The following CNTLN variants were observed in gnomAD, a reference collection of about 807,000 sequenced individuals.
CNTLN encodes the protein centlein, centrosomal protein.
A neutral mutation model predicts 180.0 loss-of-function variants in CNTLN; 212 were observed. That is an observed-to-expected ratio of 1.18 (90% CI 1.05 to 1.32). The LOEUF is 1.32. Ranked by LOEUF, CNTLN falls within the 40% of genes most tolerant of loss-of-function variation. The pLI, the probability that CNTLN is intolerant of heterozygous loss-of-function variation, is 0.00. For missense variants in CNTLN, 2,095 were observed against 1,610.9 expected, an observed-to-expected ratio of 1.30 and a Z score of -5.14; for synonymous variants, 722 against 563.1, an observed-to-expected ratio of 1.28 and a Z score of -3.99.
At chr9:17,356,080 A>G (rs1000664121) in intron 12 of CNTLN, among the ~76,000 whole-genome samples, 79 of 150,186 alleles carry the variant, frequency 5.3e-4, no homozygotes, top group African/African-American at 1.8e-3. Flanking sequence ...AAAAAAAAAA[A>G]AGAAAAAGGA....
chr9:17,253,049 T>G (rs1358789325), intron 5 of CNTLN, among the ~76,000 whole-genome samples: 1 of 151,758 alleles, frequency 6.6e-6, no homozygotes, highest in Admixed American at 6.6e-5. Context: ...ATGTATATTC[T>G]TAGTTGCTTT....
chr9:17,416,237 T>A (rs1828239751), intron 18 of CNTLN, 48 bp downstream of exon 18: 2 of 1,443,052 alleles, frequency 1.4e-6, no homozygotes, highest in Non-Finnish European at 1.9e-6. Flanking sequence ...ATTGTAAAAG[T>A]GGATATTTTG....
chr9:17,316,227 A>G (rs1040309633), intron 8 of CNTLN, among the ~76,000 whole-genome samples: 8 of 152,022 alleles, frequency 5.3e-5, no homozygotes, highest in African/African-American at 1.7e-4. Context: ...CTTAAAGTCT[A>G]TTTTGTCTGA....
intron 6 of CNTLN, among the ~76,000 whole-genome samples, chr9:17,284,062 C>G (rs536523739): frequency 6.6e-6 from 1 of 151,968 alleles, no homozygotes. Flanking sequence ...GCTCATGTTT[C>G]CCAGGCTGGA....
intron 15 of CNTLN, among the ~76,000 whole-genome samples, chr9:17,397,325 G>A (rs1012141584): frequency 1.3e-5 from 2 of 152,176 alleles, no homozygotes; most frequent in Non-Finnish European, 2.9e-5. Flanking sequence ...CTACTCCATA[G>A]GCAGAGCAGT....
chr9:17,213,961 A>G (rs958905549), intron 2 of CNTLN, among the ~76,000 whole-genome samples: 3 of 151,988 alleles, frequency 2.0e-5, no homozygotes, highest in Admixed American at 2.0e-4. Context: ...TGCAGGTGAT[A>G]TGGGTCTTCT....
chr9:17,142,451 A>G (rs1220713241), intron 1 of CNTLN, among the ~76,000 whole-genome samples: 1 of 152,154 alleles, frequency 6.6e-6, no homozygotes, highest in East Asian at 1.9e-4. Flanking sequence ...TAAGGAACCA[A>G]TAATTTTTTT....
At chr9:17,426,593 A>G (rs1308705835) in intron 18 of CNTLN, among the ~76,000 whole-genome samples, 1 of 151,854 alleles carries the variant, frequency 6.6e-6, no homozygotes, top group African/African-American at 2.4e-5. Flanking sequence ...TTGAGTTATT[A>G]GAATCTTTTT....
intron 12 of CNTLN, among the ~76,000 whole-genome samples, chr9:17,342,786 A>G (rs1224199617): frequency 2.0e-5 from 3 of 152,172 alleles, no homozygotes. Context: ...TAACCTAGCC[A>G]GCCATCCTTG....
chr9:17,292,504 T>C (rs1829482398), intron 6 of CNTLN, among the ~76,000 whole-genome samples: 1 of 152,146 alleles, frequency 6.6e-6, no homozygotes, highest in African/African-American at 2.4e-5. Flanking sequence ...TTTCTTTTCA[T>C]TCTTTTTTCT....
chr9:17,313,445 T>C (rs1032360006), intron 8 of CNTLN, among the ~76,000 whole-genome samples: 1 of 152,114 alleles, frequency 6.6e-6, no homozygotes, highest in African/African-American at 2.4e-5. Flanking sequence ...AGTTTTACTC[T>C]TCTATCCTCT....
At position 17,207,690 on chromosome 9, in the gene CNTLN, A is replaced by G. The variant is rs146369569; in HGVS notation, c.450-18513A>G. On this transcript the variant is annotated intron_variant, in intron 2 of 25. Coordinates refer to ENST00000380647, the MANE Select transcript of CNTLN (RefSeq NM_017738.4). Reference sequence around the variant, plus strand: ...TGTACCTACTGCTTAACCAGTCCCAATGAGATGAACTGGGTCCCTCACTTG... The same window carrying G: ...TGTACCTACTGCTTAACCAGTCCCAGTGAGATGAACTGGGTCCCTCACTTG... Among the ~76,000 whole-genome samples the G allele has an allele frequency of 1.6e-3, 250 of 151,670 alleles. 1 individual carries two copies. The highest frequency in any genetic ancestry group is 5.8e-3 in the African/African-American group (238 of 41,344).
At chr9:17,466,671 A>G (rs979504435) in intron 22 of CNTLN, 35 bp from the exon 23 acceptor site, 1 of 1,550,610 alleles carries the variant, frequency 6.4e-7, no homozygotes, top group Non-Finnish European at 8.7e-7. Context: ...TGTTTATAAA[A>G]TATCTTTTAT....
At chr9:17,200,103 C>T (rs918656216) in intron 2 of CNTLN, among the ~76,000 whole-genome samples, 7 of 152,108 alleles carry the variant, frequency 4.6e-5, no homozygotes, top group Non-Finnish European at 7.4e-5. Flanking sequence ...GAATCCTTTT[C>T]CCATTGCTTG....
chr9:17,208,266 T>G (rs1163136258), intron 2 of CNTLN, among the ~76,000 whole-genome samples: 2 of 152,210 alleles, frequency 1.3e-5, no homozygotes, highest in African/African-American at 2.4e-5. Context: ...ATAGGATATA[T>G]CTCATTGACT....
intron 25 of CNTLN, among the ~76,000 whole-genome samples, chr9:17,491,634 A>G (rs1205761014): frequency 6.6e-6 from 1 of 151,692 alleles, no homozygotes; most frequent in African/African-American, 2.4e-5. Flanking sequence ...TGTATAGATC[A>G]TTTTCTTCTA....
chr9:17,409,750 T>C (rs1827695026), intron 16 of CNTLN, among the ~76,000 whole-genome samples: 1 of 152,108 alleles, frequency 6.6e-6, no homozygotes, highest in South Asian at 2.1e-4. Context: ...TTTTCAGGTA[T>C]ATGAAATATT....
intron 2 of CNTLN, among the ~76,000 whole-genome samples, chr9:17,158,024 G>T (rs1819419850): frequency 6.6e-6 from 1 of 152,130 alleles, no homozygotes; most frequent in African/African-American, 2.4e-5. Flanking sequence ...GTTTAGGCTT[G>T]GTTCCCATTG....
At chr9:17,209,472 T>C (rs1823138581) in intron 2 of CNTLN, among the ~76,000 whole-genome samples, 1 of 152,180 alleles carries the variant, frequency 6.6e-6, no homozygotes, top group South Asian at 2.1e-4. Context: ...AGTGTTTCTT[T>C]GTTGATTTTC....
Sources: allele counts gnomAD v4.1 joint callset (sites outside exome capture counted in the v4.1 genomes callset), GRCh38; gene constraint gnomAD v4.1.1; transcripts MANE v1.5; gene names NCBI Gene and HGNC (gene_info 2026-07-23, HGNC 2026-07-21).